The following STXBP5L variants were observed in gnomAD, a reference collection of about 807,000 sequenced individuals.
STXBP5L encodes syntaxin binding protein 5L.
STXBP5L carries 65 observed loss-of-function variants against 144.5 expected under a neutral mutation model. The ratio of observed to expected loss-of-function variants is 0.45; its 90% CI spans 0.37 to 0.55. STXBP5L has a LOEUF of 0.55. STXBP5L is among the 20% of genes least tolerant of loss of function. The pLI, the probability that STXBP5L is intolerant of heterozygous loss-of-function variation, is 0.00. For missense variants in STXBP5L, 1,298 were observed against 1,405.5 expected (o/e 0.92, Z 1.22); for synonymous variants, 505 against 469.6 (o/e 1.08, Z -0.97).
At chr3:120,948,756 A>C (rs1318165618) in intron 2 of STXBP5L, among the ~76,000 whole-genome samples, 1 of 151,956 alleles carries the variant, frequency 6.6e-6, no homozygotes, top group Non-Finnish European at 1.5e-5. Context: ...ATGACAGAGT[A>C]GTATTTTACG....
chr3:121,066,602 A>T (rs1367775903), intron 5 of STXBP5L, among the ~76,000 whole-genome samples: 4 of 152,080 alleles, frequency 2.6e-5, no homozygotes, highest in Admixed American at 2.0e-4. Flanking sequence ...GTGCTAATAT[A>T]TGCTGGGTTT....
Position 121,109,923 on chromosome 3 carries a change from T to C in STXBP5L, c.471-5002T>C, listed in dbSNP as rs562916290. On this transcript the variant is annotated intron_variant, in intron 5 of 26. Transcript: ENST00000471454. ...GTGAGGCATAGAAATTTAGGATAGT[T>C]AGCTCTTCTTGTTGAATTGAACTTT... 2.8e-4 allele frequency among the ~76,000 whole-genome samples: 43 copies of C among 152,378 alleles called. No homozygotes were observed. The South Asian group carries it at 8.9e-3, about 32-fold the overall frequency.
intron 22 of STXBP5L, among the ~76,000 whole-genome samples, chr3:121,401,894 TAAAA>T (rs71133532): frequency 1.5e-5 from 2 of 137,636 alleles, no homozygotes; most frequent in African/African-American, 2.7e-5. Context: ...TAGAGTATAA[TAAAA>T]AAAAAAAAAA....
chr3:121,407,112 C>A, intron 22 of STXBP5L, 131 bp from the exon 23 acceptor site: 1 of 1,151,460 alleles, frequency 8.7e-7, no homozygotes, highest in South Asian at 2.1e-5. Flanking sequence ...GCTCACAAAT[C>A]TACAAATTCA....
At chr3:121,086,507 G>A (rs1350894053) in intron 5 of STXBP5L, among the ~76,000 whole-genome samples, 1 of 151,930 alleles carries the variant, frequency 6.6e-6, no homozygotes, top group Non-Finnish European at 1.5e-5. Flanking sequence ...TGTAACAATT[G>A]CCTACAGTAT....
intron 18 of STXBP5L, among the ~76,000 whole-genome samples, chr3:121,271,964 T>C (rs1266569060): frequency 1.3e-5 from 2 of 152,224 alleles, no homozygotes; most frequent in African/African-American, 4.8e-5. Flanking sequence ...TTTCTTCCTG[T>C]GATTGATTTC....
At chr3:120,993,351 A>T (rs999230479) in intron 3 of STXBP5L, among the ~76,000 whole-genome samples, 1 of 151,936 alleles carries the variant, frequency 6.6e-6, no homozygotes, top group Non-Finnish European at 1.5e-5. Flanking sequence ...TTTGTTGCGT[A>T]TGCTTTTACA....
In STXBP5L at chr3:121,418,501, G is replaced by A; in HGVS notation, c.3391G>A (p.Glu1131Lys). The part of the protein sequence containing the change: ...ERGQRLGELE[E>K]KTAGMMTSAE... ...AGGACAGAGGCTAGGAGAGCTGGAA[G>A]AGAAAACTGCAGGCATGATGACCAG... The change falls in exon 26 of 27, where the codon GAG (glutamate) becomes AAG (lysine). Residue 1131 changes from glutamate (E) to lysine (K), a missense_variant. Physicochemically the swap from Glu to Lys is moderately conservative, Grantham distance 56 (BLOSUM62 1). Transcript: ENST00000471454. The A allele has an allele frequency of 6.2e-7, 1 of 1,614,062 alleles. No homozygotes were observed. The highest frequency in any genetic ancestry group is 1.7e-5 in the Admixed American group (1 of 60,010).
intron 20 of STXBP5L, among the ~76,000 whole-genome samples, chr3:121,321,324 G>A (rs992070684): frequency 6.6e-6 from 1 of 152,080 alleles, no homozygotes; most frequent in Non-Finnish European, 1.5e-5. Context: ...GGAAAAGTGC[G>A]AATGGAGTTT....
intron 9 of STXBP5L, among the ~76,000 whole-genome samples, chr3:121,170,751 T>G (rs2203796): frequency 0.12 from 18,233 of 152,060 alleles, 1,147 homozygotes; most frequent in Non-Finnish European, 0.14. Context: ...ACAGCCGAAT[T>G]CTCCCAGGGT....
intron 3 of STXBP5L, among the ~76,000 whole-genome samples, chr3:120,988,455 G>A (rs1025020448): frequency 4.6e-5 from 7 of 151,802 alleles, no homozygotes; most frequent in African/African-American, 7.2e-5. Flanking sequence ...ATTGTGTTAA[G>A]AAAAAACACT....
intron 19 of STXBP5L, among the ~76,000 whole-genome samples, chr3:121,293,650 A>G (rs1321615618): frequency 6.6e-6 from 1 of 152,208 alleles, no homozygotes; most frequent in Non-Finnish European, 1.5e-5. Context: ...ACCTGAGGTC[A>G]GGAGTTCAAG....
chr3:121,202,721 A>G (rs748855651), intron 9 of STXBP5L, among the ~76,000 whole-genome samples: 14 of 152,180 alleles, frequency 9.2e-5, no homozygotes, highest in South Asian at 2.1e-4. Context: ...TAAATATGTC[A>G]TATCACATTC....
chr3:121,030,143 A>G (rs942629353), intron 3 of STXBP5L, among the ~76,000 whole-genome samples: 1 of 152,222 alleles, frequency 6.6e-6, no homozygotes, highest in East Asian at 1.9e-4. Context: ...ATCTAGAACC[A>G]GAAATACTAT....
intron 9 of STXBP5L, among the ~76,000 whole-genome samples, chr3:121,184,059 G>T (rs75074621): frequency 6.6e-6 from 1 of 151,796 alleles, no homozygotes; most frequent in Admixed American, 6.6e-5. Flanking sequence ...CCATACAAAG[G>T]TCACCAACAT....
intron 20 of STXBP5L, among the ~76,000 whole-genome samples, chr3:121,360,240 A>G (rs1444983097): frequency 2.7e-5 from 4 of 150,716 alleles, no homozygotes; most frequent in Non-Finnish European, 5.9e-5. Context: ...TTTGGTTTCA[A>G]TTGGCATAGA....
chr3:121,078,980 A>G (rs910772484), intron 5 of STXBP5L, among the ~76,000 whole-genome samples: 1 of 152,196 alleles, frequency 6.6e-6, no homozygotes, highest in Non-Finnish European at 1.5e-5. Flanking sequence ...TCCGGCCTTG[A>G]CCAGCCCAGA....
intron 3 of STXBP5L, among the ~76,000 whole-genome samples, chr3:120,965,646 T>G (rs1423996745): frequency 6.6e-6 from 1 of 152,154 alleles, no homozygotes; most frequent in African/African-American, 2.4e-5. Context: ...GAGAGATCTG[T>G]TGTTAGTCTG....
intron 18 of STXBP5L, among the ~76,000 whole-genome samples, chr3:121,259,447 T>G (rs1284032431): frequency 1.3e-5 from 2 of 152,086 alleles, no homozygotes; most frequent in Non-Finnish European, 2.9e-5. Context: ...TGTCTTTTTT[T>G]CTCTTTATAT....
Sources: gnomAD v4.1 joint callset for allele counts (sites outside exome capture counted in the v4.1 genomes callset) on GRCh38, gnomAD v4.1.1 for gene constraint, MANE v1.5 for transcripts, NCBI Gene and HGNC (gene_info 2026-07-23, HGNC 2026-07-21) for gene names.